MRE11: variants seen among roughly 807,000 people sequenced by gnomAD.
The protein encoded by MRE11 is MRE11 double strand break repair nuclease, also known as double-strand break repair protein MRE11.
A neutral mutation model predicts 91.7 loss-of-function variants in MRE11; 62 were observed. That is an observed-to-expected ratio of 0.68 (90% CI 0.55 to 0.84). The LOEUF is 0.84. Among genes scored for constraint, MRE11 ranks in the 40% least tolerant of loss-of-function variants. The pLI is 0.00. For missense variants in MRE11, 796 were observed against 852.9 expected (o/e 0.93, Z 0.83); for synonymous variants, 273 against 271.4 (o/e 1.01, Z -0.06).
At position 94,416,296 on chromosome 11, in the gene MRE11, C is replaced by A. The variant is rs967057509; in HGVS notation, c.*3829G>T. On this transcript the variant is annotated 3_prime_UTR_variant, in exon 20 of 20. Coordinates refer to ENST00000323929, the MANE Select transcript of MRE11 (RefSeq NM_005591.4). ...ACTTAAAAAGAGCTAAAATCAGATCCAGTTATTTGACACAGCAAAGACATA... is the reference window on the plus strand; with the variant it reads ...ACTTAAAAAGAGCTAAAATCAGATCAAGTTATTTGACACAGCAAAGACATA... 2.0e-5 allele frequency: 3 copies of A among 152,088 alleles called. No homozygotes were observed. The highest frequency in any genetic ancestry group is 1.3e-4 in the Admixed American group (2 of 15,264). The allele number at this position is 152,088 out of a possible 1,614,324, so 9.4% of individuals were successfully genotyped here.
rs1329286592 is a variant in MRE11 at position 94,435,839 on chromosome 11, C to A, written c.1987G>T (p.Asp663Tyr). The change falls in exon 18 of 20, where the codon GAT (aspartate) becomes TAT (tyrosine). Residue 663 changes from aspartate to tyrosine, a missense_variant. By Grantham distance (160) the Asp-to-Tyr change is radical. Coordinates refer to ENST00000323929, the MANE Select transcript of MRE11 (RefSeq NM_005591.4). ...EDIFPTTSKT[D>Y]QRWSSTSSSK... ...GAAAATCACTGCACCTACCTTTGAT[C>A]TGTCTTTGAAGTGGTAGGAAAAATG... The A allele has an allele frequency of 6.2e-7, 1 of 1,612,912 alleles. No homozygotes were observed. The highest frequency in any genetic ancestry group is 2.2e-5 in the East Asian group (1 of 44,852).
At chr11:94,463,525 C>A (rs561063453) in intron 11 of MRE11, among the ~76,000 whole-genome samples, 1 of 152,268 alleles carries the variant, frequency 6.6e-6, no homozygotes, top group East Asian at 1.9e-4. Flanking sequence ...AGACTTGGAA[C>A]CAACCCAAAT....
At chr11:94,492,162 C>T (rs1358015634) in intron 2 of MRE11, among the ~76,000 whole-genome samples, 2 of 151,928 alleles carry the variant, frequency 1.3e-5, no homozygotes, top group Non-Finnish European at 2.9e-5. Context: ...GATCTCGGCT[C>T]ACTGCAACCT....
upstream of MRE11, chr11:94,496,631 C>A: frequency 7.2e-7 from 1 of 1,390,242 alleles, no homozygotes; most frequent in Non-Finnish European, 9.7e-7. Flanking sequence ...AGTCATAATT[C>A]ATCTCTAGAA....
intron 7 of MRE11, chr11:94,475,747 G>A: frequency 5.1e-6 from 2 of 393,016 alleles, no homozygotes; most frequent in South Asian, 1.9e-5. Flanking sequence ...ATAACAGCAA[G>A]GTTTATAAAA....
chr11:94,473,761 T>C (rs576394310), intron 7 of MRE11, among the ~76,000 whole-genome samples: 2 of 152,106 alleles, frequency 1.3e-5, no homozygotes, highest in South Asian at 2.1e-4. Context: ...TGTAACCTAG[T>C]TGGGAAAGTT....
upstream of MRE11, chr11:94,498,124 G>A (rs1947443924): frequency 6.2e-7 from 1 of 1,613,802 alleles, no homozygotes; most frequent in Admixed American, 1.7e-5. Flanking sequence ...TGAACACTAG[G>A]GATGAAGATG....
At chr11:94,486,818 G>A (rs1212019824) in intron 3 of MRE11, among the ~76,000 whole-genome samples, 1 of 152,136 alleles carries the variant, frequency 6.6e-6, no homozygotes, top group African/African-American at 2.4e-5. Flanking sequence ...AAATGATTGT[G>A]AGGAAGAGAA....
At chr11:94,422,570 C>T (rs751789285) in intron 19 of MRE11, among the ~76,000 whole-genome samples, 3 of 152,118 alleles carry the variant, frequency 2.0e-5, no homozygotes, top group Non-Finnish European at 4.4e-5. Context: ...CCACTGTTAA[C>T]TGGGCAAATA....
intron 13 of MRE11, among the ~76,000 whole-genome samples, chr11:94,458,942 T>G (rs1946339121): frequency 1.3e-5 from 2 of 152,200 alleles, no homozygotes; most frequent in South Asian, 2.1e-4. Context: ...AATATTTTCA[T>G]GTCAATATCT....
intron 7 of MRE11, among the ~76,000 whole-genome samples, chr11:94,472,512 A>C (rs546248609): frequency 2.8e-4 from 43 of 152,224 alleles, no homozygotes; most frequent in African/African-American, 9.9e-4. Flanking sequence ...GGCTTCTTCT[A>C]GATATGGAAG....
intron 11 of MRE11, 107 bp downstream of exon 11, chr11:94,464,006 A>T: frequency 8.0e-7 from 1 of 1,243,306 alleles, no homozygotes; most frequent in Non-Finnish European, 1.1e-6. Context: ...TTAAGACATT[A>T]CAATCATATT....
intron 15 of MRE11, among the ~76,000 whole-genome samples, chr11:94,446,322 G>A (rs1945929982): frequency 6.6e-6 from 1 of 152,144 alleles, no homozygotes; most frequent in South Asian, 2.1e-4. Context: ...CAGGAGAATT[G>A]CTTGAACCTG....
upstream of MRE11, chr11:94,498,608 G>A (rs960271510): frequency 1.6e-6 from 2 of 1,270,582 alleles, no homozygotes; most frequent in Admixed American, 2.3e-5. Context: ...AATCAAAGTT[G>A]ACGTCAAACA....
chr11:94,487,469 A>G (rs1318676554), intron 3 of MRE11, among the ~76,000 whole-genome samples: 1 of 152,196 alleles, frequency 6.6e-6, no homozygotes, highest in Non-Finnish European at 1.5e-5. Flanking sequence ...ACTCTTCAAA[A>G]TATTAGGGTC....
At chr11:94,483,980 C>T (rs750332383) in intron 4 of MRE11, 9 of 152,136 alleles carry the variant, frequency 5.9e-5, no homozygotes, top group Non-Finnish European at 1.2e-4. Flanking sequence ...GTAATGTGCA[C>T]ATGTAACATC....
At chr11:94,459,323 T>A in intron 13 of MRE11, 85 bp downstream of exon 13, 1 of 1,366,854 alleles carries the variant, frequency 7.3e-7, no homozygotes, top group Non-Finnish European at 1.0e-6. Context: ...AGAGGTTAAA[T>A]AGTGATTTAC....
chr11:94,466,149 C>T (rs993960126), intron 10 of MRE11, among the ~76,000 whole-genome samples: 2 of 152,164 alleles, frequency 1.3e-5, no homozygotes, highest in Admixed American at 1.3e-4. Flanking sequence ...AAATAAACTC[C>T]ACTGCACCCA....
intron 11 of MRE11, among the ~76,000 whole-genome samples, chr11:94,461,830 C>T (rs900817511): frequency 6.6e-6 from 1 of 152,314 alleles, no homozygotes; most frequent in Non-Finnish European, 1.5e-5. Context: ...AATCCCAGCA[C>T]TTTGAGAGGC....
Sources: allele counts gnomAD v4.1 joint callset (sites outside exome capture counted in the v4.1 genomes callset), GRCh38; gene constraint gnomAD v4.1.1; transcripts MANE v1.5; gene names NCBI Gene and HGNC (gene_info 2026-07-23, HGNC 2026-07-21).